PLCH2: variants seen among roughly 807,000 people sequenced by gnomAD.
PLCH2 encodes 1-phosphatidylinositol 4,5-bisphosphate phosphodiesterase eta-2.
PLCH2 carries 98 observed loss-of-function variants against 134.7 expected under a neutral mutation model. The observed-to-expected ratio is 0.73, with a 90% CI of 0.62 to 0.86. PLCH2 has a LOEUF of 0.86. Among genes scored for constraint, PLCH2 ranks in the 40% least tolerant of loss-of-function variants. The probability of loss-of-function intolerance (pLI) is 0.00; values close to 1 mark genes in which losing one functional copy is unlikely to be tolerated. For missense variants in PLCH2, 1,994 were observed against 1,986.6 expected (o/e 1.00, Z -0.07); for synonymous variants, 974 against 827.5 (o/e 1.18, Z -3.04).
chr1:2,480,925 C>G (rs1408525524), intron 4 of PLCH2, among the ~76,000 whole-genome samples: 1 of 152,236 alleles, frequency 6.6e-6, no homozygotes, highest in Admixed American at 6.5e-5. Flanking sequence ...CAAACCAGGC[C>G]CTGGGGCCTT....
In PLCH2 at chr1:2,444,736, C is replaced by T. The variant is rs1313375391; in HGVS notation, c.115+14107C>T. ...CAGCCAAGGTGGCCACTGATCCCCA[C>T]TGTGACCACTGAGACCACTGGAACT... On this transcript the variant is annotated intron_variant, in intron 2 of 3. Coordinates refer to the PLCH2 transcript ENST00000609981. This position sits in a 1 kb window ranked among gnomAD's most constrained non-coding sequence, Gnocchi z 4.6. 6.6e-6 allele frequency among the ~76,000 whole-genome samples: 1 copy of T among 152,170 alleles called. No homozygotes were observed. Among genetic ancestry groups the T allele is most frequent in the African/African-American group, 2.4e-5 (1 of 41,426 alleles).
upstream of PLCH2, among the ~76,000 whole-genome samples, chr1:2,473,414 C>T (rs1198904699): frequency 1.3e-5 from 2 of 152,244 alleles, no homozygotes; most frequent in South Asian, 2.1e-4. Context: ...GCACTCTCCC[C>T]AACTGGGGTG....
At chr1:2,476,845 G>C in intron 1 of PLCH2, 133 bp downstream of exon 1, 1 of 935,400 alleles carries the variant, frequency 1.1e-6, no homozygotes, top group Non-Finnish European at 1.5e-6. Flanking sequence ...CCTGTCCCCC[G>C]GGTGCTCTAG....
chr1:2,436,537 C>T (rs1472373146), intron 2 of PLCH2, among the ~76,000 whole-genome samples: 6 of 67,782 alleles, frequency 8.9e-5, no homozygotes, highest in African/African-American at 2.2e-4. Flanking sequence ...TTCCTCCTTC[C>T]TCCCTCCTCC....
intron 21 of PLCH2, chr1:2,503,643 G>T (rs1275442149): frequency 2.9e-6 from 2 of 697,180 alleles, no homozygotes; most frequent in Non-Finnish European, 5.2e-6. Flanking sequence ...GCGAGTGACA[G>T]GTAACGGGGC....
intron 2 of PLCH2, among the ~76,000 whole-genome samples, chr1:2,458,002 G>A (rs1277393362): frequency 3.3e-5 from 5 of 152,240 alleles, no homozygotes; most frequent in Admixed American, 6.5e-5. Flanking sequence ...CAAGGAGGCC[G>A]CACAGGCAAG....
chr1:2,460,281 C>G (rs1007544325), intron 2 of PLCH2, among the ~76,000 whole-genome samples: 3 of 152,270 alleles, frequency 2.0e-5, no homozygotes, highest in Non-Finnish European at 4.4e-5. Context: ...GGACCCCTGA[C>G]CACTGCTCTG....
upstream of PLCH2, among the ~76,000 whole-genome samples, chr1:2,421,827 A>G (rs920103246): frequency 2.0e-5 from 3 of 151,316 alleles, no homozygotes; most frequent in African/African-American, 7.3e-5. Flanking sequence ...TACAAAAATT[A>G]GCTGGGCGTG....
chr1:2,460,249 G>T (rs1640748019), intron 2 of PLCH2, among the ~76,000 whole-genome samples: 1 of 152,278 alleles, frequency 6.6e-6, no homozygotes, highest in South Asian at 2.1e-4. Context: ...CGGGGTCCCA[G>T]GCCGGGTTCC....
At chr1:2,446,656 C>G (rs1160919728) in intron 2 of PLCH2, among the ~76,000 whole-genome samples, 1 of 152,246 alleles carries the variant, frequency 6.6e-6, no homozygotes, top group Non-Finnish European at 1.5e-5. Context: ...CCTTTCCACT[C>G]GCCCAGCACA....
chr1:2,459,303 G>A (rs369434373), intron 2 of PLCH2, among the ~76,000 whole-genome samples: 12 of 146,224 alleles, frequency 8.2e-5, no homozygotes, highest in African/African-American at 3.0e-4. Context: ...CTTGCCAGTG[G>A]TCCTCCTTCC....
intron 2 of PLCH2, among the ~76,000 whole-genome samples, chr1:2,433,816 C>T (rs754172183): frequency 6.6e-4 from 100 of 152,226 alleles, no homozygotes; most frequent in Non-Finnish European, 1.0e-3. Context: ...AGGCAGAGCC[C>T]CTGCCGGCTC....
At chr1:2,495,854 TTA>T (rs1410844113) in intron 13 of PLCH2, among the ~76,000 whole-genome samples, 1 of 152,074 alleles carries the variant, frequency 6.6e-6, no homozygotes, top group African/African-American at 2.4e-5. Context: ...CCGCCTCCTC[TTA>T]TGAGGCCCCC....
chr1:2,458,750 C>A (rs115515656), intron 2 of PLCH2, among the ~76,000 whole-genome samples: 2 of 152,210 alleles, frequency 1.3e-5, no homozygotes, highest in Admixed American at 1.3e-4. Context: ...GGGCAGCCCC[C>A]CAAAGACCCA....
chr1:2,446,469 C>T (rs2100542640), intron 2 of PLCH2, among the ~76,000 whole-genome samples: 1 of 152,294 alleles, frequency 6.6e-6, no homozygotes, highest in Non-Finnish European at 1.5e-5. Context: ...TGCCTCAGGC[C>T]CCTCCCTCCC....
At chr1:2,440,345 C>T (rs375341648) in intron 2 of PLCH2, among the ~76,000 whole-genome samples, 1 of 152,148 alleles carries the variant, frequency 6.6e-6, no homozygotes, top group African/African-American at 2.4e-5. Context: ...CAGGAGCACC[C>T]GGCCATGGTG....
rs1364015788 is a variant in PLCH2, at chr1:2,478,433, G to A, written c.125-43G>A. 2.5e-6 allele frequency: 4 copies of A among 1,604,862 alleles called. No individual in the cohort carries two copies. The African/African-American group carries it at 5.4e-5, about 21-fold the overall frequency. On this transcript the variant is annotated intron_variant, in intron 1 of 21. Transcript: ENST00000378486. ...GACGGCCGTGTCTCTCCTGCGAGGA[G>A]TGGCTGTGCCTCCGCTGACAGCCGT...
chr1:2,460,464 A>G (rs1387600116), intron 2 of PLCH2, among the ~76,000 whole-genome samples: 1 of 152,222 alleles, frequency 6.6e-6, no homozygotes, highest in Non-Finnish European at 1.5e-5. Context: ...AGAGGGTGGC[A>G]GGTCTTGGCC....
At chr1:2,502,070 T>G in intron 20 of PLCH2, 42 bp from the exon 21 acceptor site, 2 of 1,408,722 alleles carry the variant, frequency 1.4e-6, no homozygotes, top group Non-Finnish European at 9.2e-7. Context: ...GCAGCTGGGC[T>G]GGGACCCCTG....
Sources: gnomAD v4.1 joint callset for allele counts (sites outside exome capture counted in the v4.1 genomes callset) on GRCh38, gnomAD v4.1.1 for gene constraint, Gnocchi (gnomAD v3.1) non-coding constraint, MANE v1.5 for transcripts, NCBI Gene and HGNC (gene_info 2026-07-23, HGNC 2026-07-21) for gene names.